The following SLC7A6 variants were observed in gnomAD, a reference collection of about 807,000 sequenced individuals.
SLC7A6 encodes Y+L amino acid transporter 2.
Under a neutral mutation model 46.6 loss-of-function variants are expected in SLC7A6, and 29 were observed. The observed-to-expected ratio is 0.62, with a 90% CI of 0.46 to 0.85. SLC7A6 has a LOEUF of 0.85. SLC7A6 is among the 40% of genes least tolerant of loss of function. SLC7A6 has a pLI of 0.00. For synonymous variants in SLC7A6, 276 were observed against 257.3 expected (o/e 1.07, Z -0.70); for missense variants, 527 against 647.6 (o/e 0.81, Z 2.02).
intron 7 of SLC7A6, 101 bp downstream of exon 7, chr16:68,291,762 G>GTGTGTGTGTGT: frequency 1.8e-6 from 1 of 545,992 alleles, no homozygotes; most frequent in Non-Finnish European, 3.2e-6. Flanking sequence ...GGGCATATAG[G>GTGTGTGTGTGT]GTGTGTGTGT....
intron 2 of SLC7A6, chr16:68,273,693 G>T (rs898922904): frequency 6.6e-6 from 1 of 151,890 alleles, no homozygotes; most frequent in Non-Finnish European, 1.5e-5. Flanking sequence ...GGGTACTTTG[G>T]AAAAAGAAAG....
intron 1 of SLC7A6, among the ~76,000 whole-genome samples, chr16:68,266,093 T>C (rs904430311): frequency 2.1e-4 from 32 of 152,132 alleles, no homozygotes; most frequent in African/African-American, 7.5e-4. Flanking sequence ...ATCCCGTCTC[T>C]ACTAAAAATA....
At chr16:68,291,801 T>TGTGTGTGTGTGTGTGTGTGTGTGTG (rs1555532343) in intron 7 of SLC7A6, 140 bp downstream of exon 7, 6 of 307,268 alleles carry the variant, frequency 2.0e-5, no homozygotes, top group African/African-American at 9.8e-5. Flanking sequence ...GTGTGTGTGT[T>TGTGTGTGTGTGTGTGTGTGTGTGTG]TGGTATGTGG....
At chr16:68,287,589 G>C (rs2042962986) in intron 3 of SLC7A6, 157 bp from the exon 4 acceptor site, 1 of 985,360 alleles carries the variant, frequency 1.0e-6, no homozygotes, top group Non-Finnish European at 1.2e-6. Context: ...GGCGGGTGCA[G>C]GGTGTCCCCT....
chr16:68,293,144 T>C (rs987074727), intron 7 of SLC7A6, among the ~76,000 whole-genome samples: 1 of 152,096 alleles, frequency 6.6e-6, no homozygotes, highest in Non-Finnish European at 1.5e-5. Flanking sequence ...CAGCTGGGCG[T>C]GGGGCTCACA....
intron 3 of SLC7A6, among the ~76,000 whole-genome samples, chr16:68,277,315 C>CA (rs2042729747): frequency 3.3e-5 from 1 of 30,256 alleles, no homozygotes; most frequent in Non-Finnish European, 6.0e-5. Context: ...GAGAAGAGTA[C>CA]TTTTATTTAT....
At chr16:68,275,941 T>TA (rs2042704358) in intron 3 of SLC7A6, among the ~76,000 whole-genome samples, 1 of 148,794 alleles carries the variant, frequency 6.7e-6, no homozygotes, top group South Asian at 2.2e-4. Context: ...ATTCTGTTGC[T>TA]AAAGGAAAAA....
intron 2 of SLC7A6, among the ~76,000 whole-genome samples, chr16:68,270,316 C>G (rs971896699): frequency 6.6e-6 from 1 of 152,004 alleles, no homozygotes; most frequent in African/African-American, 2.4e-5. Context: ...CCAGAATTTC[C>G]TACCCCTCCT....
intron 4 of SLC7A6, among the ~76,000 whole-genome samples, chr16:68,289,815 T>G (rs565630568): frequency 1.3e-5 from 2 of 152,058 alleles, no homozygotes; most frequent in South Asian, 4.2e-4. Context: ...GCATGTCATC[T>G]CCCCCATGCA....
intron 10 of SLC7A6, 140 bp from the exon 11 acceptor site, chr16:68,297,094 G>A: frequency 1.3e-6 from 1 of 768,716 alleles, no homozygotes; most frequent in Non-Finnish European, 2.1e-6. Context: ...AGGCTTGTTG[G>A]GAGACAGGGG....
At chr16:68,268,271 T>A (rs1405310961) in intron 2 of SLC7A6, among the ~76,000 whole-genome samples, 4 of 152,198 alleles carry the variant, frequency 2.6e-5, no homozygotes, top group Non-Finnish European at 5.9e-5. Context: ...CTGTGGGATC[T>A]GATGCTGTCT....
chr16:68,287,745 G>A lies in SLC7A6; in HGVS notation c.524-1G>A, dbSNP rs562336344. 2 of 1,612,858 alleles carry A rather than the reference G, an allele frequency of 1.2e-6. No homozygotes were observed. The highest frequency in any genetic ancestry group is 2.2e-5 in the South Asian group (2 of 90,992). ...CAGTGACTTTGTGGTTTTCCTCCTA[G>A]GTCTGCTGACATTTGTGAACTGTGC... On this transcript the variant is annotated splice_acceptor_variant, in intron 3 of 10. Coordinates refer to ENST00000219343, the MANE Select transcript of SLC7A6 (RefSeq NM_003983.6). LOFTEE classifies it high-confidence loss of function.
At chr16:68,287,183 G>A in intron 3 of SLC7A6, 1 of 504,998 alleles carries the variant, frequency 2.0e-6, no homozygotes, top group Non-Finnish European at 3.2e-6. Flanking sequence ...TCTCCATGTT[G>A]CCCAGGCTGG....
At chr16:68,293,483 T>C (rs947567330) in intron 7 of SLC7A6, among the ~76,000 whole-genome samples, 1 of 152,132 alleles carries the variant, frequency 6.6e-6, no homozygotes, top group Non-Finnish European at 1.5e-5. Flanking sequence ...TAGATGGACT[T>C]CTTTTCTAGC....
intron 2 of SLC7A6, among the ~76,000 whole-genome samples, chr16:68,267,989 C>T (rs1369204951): frequency 6.6e-6 from 1 of 152,188 alleles, no homozygotes; most frequent in Non-Finnish European, 1.5e-5. Context: ...GTACTTCTCC[C>T]TGGGAGGACA....
chr16:68,297,262 T>C lies in SLC7A6; in HGVS notation c.1482T>C (p.Leu494=), dbSNP rs1430318762. The C allele has an allele frequency of 1.2e-6, 2 of 1,614,106 alleles. No homozygotes were observed. The highest frequency in any genetic ancestry group is 2.2e-5 in the South Asian group (2 of 91,074). ...LAAITRGTQQ[L]CFCVLTELDV... is the part of the protein sequence containing the mutation. ...CTATCACCAGAGGCACCCAGCAGCT[T>C]TGCTTTTGTGTCCTGACTGAGCTTG... Residue 494 remains leucine, a synonymous_variant, in exon 11 of 11, where the codon CTT becomes CTC. Transcript: ENST00000219343.
intron 3 of SLC7A6, among the ~76,000 whole-genome samples, chr16:68,277,835 C>T (rs1234335766): frequency 2.0e-5 from 3 of 151,950 alleles, no homozygotes; most frequent in Admixed American, 6.6e-5. Flanking sequence ...CCATGTTGGT[C>T]AGGCTGGTCT....
chr16:68,280,570 G>A (rs900599513), intron 3 of SLC7A6, among the ~76,000 whole-genome samples: 2 of 150,356 alleles, frequency 1.3e-5, no homozygotes, highest in Non-Finnish European at 2.9e-5. Flanking sequence ...CTGGATTTCA[G>A]TAGTCGTAGC....
chr16:68,280,711 G>A (rs969814952), intron 3 of SLC7A6, among the ~76,000 whole-genome samples: 1 of 151,686 alleles, frequency 6.6e-6, no homozygotes, highest in East Asian at 1.9e-4. Flanking sequence ...GGGATTACAG[G>A]CATGAGCCTC....
Sources: allele counts gnomAD v4.1 joint callset (sites outside exome capture counted in the v4.1 genomes callset), GRCh38; gene constraint gnomAD v4.1.1; transcripts MANE v1.5; gene names NCBI Gene and HGNC (gene_info 2026-07-23, HGNC 2026-07-21).